Variants in METTL9 observed in about 807,000 individuals in gnomAD.
METTL9 encodes protein-L-histidine N-pros-methyltransferase.
A neutral mutation model predicts 36.0 loss-of-function variants in METTL9; 10 were observed. The observed-to-expected ratio is 0.28, with a 90% confidence interval of 0.17 to 0.47. The LOEUF is 0.47. METTL9 is among the 20% of genes least tolerant of loss of function. The probability of loss-of-function intolerance (pLI) is 0.99; values close to 1 mark genes in which losing one functional copy is unlikely to be tolerated. For synonymous variants in METTL9, 175 were observed against 149.7 expected (o/e 1.17, Z -1.23); for missense variants, 246 against 383.5 (o/e 0.64, Z 3.00).
intron 4 of METTL9, 34 bp from the exon 5 acceptor site, chr16:21,655,193 C>G: frequency 6.3e-7 from 1 of 1,586,318 alleles, no homozygotes; most frequent in Non-Finnish European, 8.6e-7. Context: ...CTTGTTTGTT[C>G]AAGAATTTAA....
intron 1 of METTL9, among the ~76,000 whole-genome samples, chr16:21,610,947 A>G (rs1965411487): frequency 6.6e-6 from 1 of 152,184 alleles, no homozygotes; most frequent in African/African-American, 2.4e-5. Context: ...GGTCATGAGT[A>G]TAATAAAAAA....
chr16:21,645,807 ATT>A (rs777787163), intron 4 of METTL9, among the ~76,000 whole-genome samples: 68 of 152,296 alleles, frequency 4.5e-4, no homozygotes, highest in Non-Finnish European at 3.4e-4. Context: ...AGTAGCTAAC[ATT>A]TGTTATTTGC....
chr16:21,623,601 A>G (rs1397593452), intron 3 of METTL9, among the ~76,000 whole-genome samples: 1 of 151,596 alleles, frequency 6.6e-6, no homozygotes, highest in Non-Finnish European at 1.5e-5. Flanking sequence ...TGATATAAAA[A>G]CTCCCCCTTT....
intron 1 of METTL9, among the ~76,000 whole-genome samples, chr16:21,606,377 T>C (rs1272104802): frequency 2.0e-5 from 3 of 152,060 alleles, no homozygotes; most frequent in South Asian, 4.1e-4. Flanking sequence ...TTAGGTTTAC[T>C]GGTTTATTAC....
Position 21,625,108 on chromosome 16 carries a change from G to A in METTL9, c.744G>A (p.Val248=), listed in dbSNP as rs576633092. The A allele has an allele frequency of 3.1e-6, 5 of 1,614,052 alleles. No homozygotes were observed. The African/African-American group carries it at 6.7e-5, about 22-fold the overall frequency. The stretch of plus-strand genomic sequence containing the variant: ...TTGTCCTCCCCTTTCATCCCTATGT[G>A]GAAAACGGTAAGTGTGGTCAGTCAG... The part of the protein sequence containing the change: ...LALVLPFHPY[V]ENVGGKWEKP... The change falls in exon 4 of 5, where the codon GTG becomes GTA. Residue 248 remains valine (V), a synonymous_variant. Transcript: ENST00000358154.
chr16:21,599,940 C>T lies in METTL9; in HGVS notation c.165+42C>T, dbSNP rs1422135181. ...GGGCCGGGGCGGGGGCGTGGCGGCC[C>T]GGCCTTCCCGCGCTGGGCCCGGCTA... On this transcript the variant is annotated intron_variant, in intron 1 of 4. Coordinates refer to ENST00000358154, the MANE Select transcript of METTL9 (RefSeq NM_016025.5). The surrounding 1 kb of genome is among the most constrained non-coding windows in gnomAD (Gnocchi z 4.4). 8 of 1,284,506 alleles carry T rather than the reference C, an allele frequency of 6.2e-6. 1 individual carries two copies. In the South Asian group the frequency reaches 1.2e-4, roughly 19 times the overall value. 79.6% of individuals were successfully genotyped at this position (1,284,506 alleles called of 1,614,324 possible).
At chr16:21,620,949 G>A (rs1270389675) in intron 3 of METTL9, among the ~76,000 whole-genome samples, 3 of 151,884 alleles carry the variant, frequency 2.0e-5, no homozygotes, top group Admixed American at 2.0e-4. Context: ...TCTGGGCCAT[G>A]AAAAACAGGC....
chr16:21,615,274 G>A (rs1359067103), intron 2 of METTL9, among the ~76,000 whole-genome samples: 1 of 152,092 alleles, frequency 6.6e-6, no homozygotes, highest in African/African-American at 2.4e-5. Flanking sequence ...TGTTGCCTAG[G>A]CTGGAGTGCA....
Position 21,655,453 on chromosome 16 carries a change from TC to T in METTL9, c.*22del. 6.2e-7 allele frequency: 1 copy of T among 1,602,838 alleles called. No homozygotes were observed. Among genetic ancestry groups the T allele is most frequent in the African/African-American group, 1.3e-5 (1 of 74,760 alleles). ...TATAAACACGTGGAGGTCGAAGTCT[TC>T]AGAGTCCGCACCCTCCGGGATGTGC... On this transcript the variant is annotated 3_prime_UTR_variant, in exon 5 of 5. Coordinates refer to ENST00000358154, the MANE Select transcript of METTL9 (RefSeq NM_016025.5).
chr16:21,613,395 T>G (rs1182864783), intron 2 of METTL9, among the ~76,000 whole-genome samples: 1 of 151,942 alleles, frequency 6.6e-6, no homozygotes, highest in East Asian at 1.9e-4. Flanking sequence ...TTGGCCAGGC[T>G]GGTCTCTAAC....
chr16:21,637,686 C>T (rs932292729), intron 4 of METTL9, among the ~76,000 whole-genome samples: 1 of 152,250 alleles, frequency 6.6e-6, no homozygotes, highest in Non-Finnish European at 1.5e-5. Context: ...CGTACACACC[C>T]GGAACCTGTG....
intron 4 of METTL9, 62 bp from the exon 5 acceptor site, chr16:21,655,165 G>A (rs1966673731): frequency 6.7e-7 from 1 of 1,488,854 alleles, no homozygotes; most frequent in East Asian, 2.3e-5. Flanking sequence ...GCTCCTCCCT[G>A]CTTCCCTCTT....
chr16:21,605,961 G>A (rs1965275650), intron 1 of METTL9, among the ~76,000 whole-genome samples: 1 of 152,040 alleles, frequency 6.6e-6, no homozygotes. Context: ...TGTCCACCTT[G>A]AACAAATTTG....
Position 21,647,398 on chromosome 16 carries a change from G to A in METTL9, c.752-7829G>A, listed in dbSNP as rs760122055. 20 of 1,613,940 alleles carry A rather than the reference G, an allele frequency of 1.2e-5. No individual in the cohort carries two copies. The Admixed American group carries it at 1.3e-4, about 11-fold the overall frequency. On this transcript the variant is annotated intron_variant, in intron 4 of 4. Coordinates refer to ENST00000358154, the MANE Select transcript of METTL9 (RefSeq NM_016025.5). ...GTTGCTCAGAAGGGCATCCGGTTGC[G>A]GAGAAGGTACACTTTATGGTGACGG...
At chr16:21,613,248 A>T (rs1224195940) in intron 2 of METTL9, among the ~76,000 whole-genome samples, 1 of 140,920 alleles carries the variant, frequency 7.1e-6, no homozygotes, top group Admixed American at 7.5e-5. Flanking sequence ...TGCAGTGGCA[A>T]TCTGGGCTCA....
At chr16:21,626,664 A>G (rs1279577291) in intron 4 of METTL9, 1 of 152,176 alleles carries the variant, frequency 6.6e-6, no homozygotes, top group Non-Finnish European at 1.5e-5. Flanking sequence ...GTGTATATAT[A>G]TCATCTATAT....
chr16:21,646,146 C>G (rs1357540882), intron 4 of METTL9, among the ~76,000 whole-genome samples: 1 of 103,832 alleles, frequency 9.6e-6, no homozygotes, highest in East Asian at 2.5e-4. Flanking sequence ...AGCTTTTTCT[C>G]TGAAATTCCC....
intron 1 of METTL9, among the ~76,000 whole-genome samples, chr16:21,605,208 C>G (rs1329479714): frequency 6.9e-6 from 1 of 144,828 alleles, no homozygotes; most frequent in Admixed American, 7.1e-5. Flanking sequence ...TGATGCCCCT[C>G]CTGGTAAACC....
chr16:21,630,874 A>G (rs1466269433), intron 4 of METTL9, among the ~76,000 whole-genome samples: 1 of 152,212 alleles, frequency 6.6e-6, no homozygotes, highest in Non-Finnish European at 1.5e-5. Context: ...AGGTTGGTAC[A>G]AGAGTTTGAA....
Sources: gnomAD v4.1 joint callset for allele counts (sites outside exome capture counted in the v4.1 genomes callset) on GRCh38, gnomAD v4.1.1 for gene constraint, Gnocchi (gnomAD v3.1) non-coding constraint, MANE v1.5 for transcripts, NCBI Gene and HGNC (gene_info 2026-07-23, HGNC 2026-07-21) for gene names.